Variants in DIP2C observed in about 807,000 individuals in gnomAD.
The protein encoded by DIP2C is DIP2 acetate--CoA ligase C (putative), also known as disco-interacting protein 2 homolog C.
A neutral mutation model predicts 192.4 loss-of-function variants in DIP2C; 33 were observed. The observed-to-expected ratio is 0.17, with a 90% confidence interval of 0.13 to 0.23. The LOEUF is 0.23. DIP2C is among the 10% of genes least tolerant of loss of function. The probability of loss-of-function intolerance (pLI) is 1.00; values close to 1 mark genes in which losing one functional copy is unlikely to be tolerated. For synonymous variants in DIP2C, 979 were observed against 864.1 expected (o/e 1.13, Z -2.33); for missense variants, 1,537 against 2,110.1 (o/e 0.73, Z 5.32).
At chr10:659,665 G>A (rs1470658145) in intron 1 of DIP2C, among the ~76,000 whole-genome samples, 4 of 152,208 alleles carry the variant, frequency 2.6e-5, no homozygotes, top group African/African-American at 4.8e-5. Context: ...GTCAGAGTCA[G>A]CAAAGATATA....
chr10:414,989 A>G (rs1272851845), intron 7 of DIP2C, among the ~76,000 whole-genome samples: 1 of 147,132 alleles, frequency 6.8e-6, no homozygotes, highest in African/African-American at 2.5e-5. Flanking sequence ...TGATCTGCCT[A>G]CTTTGACCTC....
chr10:281,953 A>C (rs748784719), intron 35 of DIP2C: 1 of 152,244 alleles, frequency 6.6e-6, no homozygotes, highest in Non-Finnish European at 1.5e-5. Context: ...AATATGTCCT[A>C]AATTTTTATA....
intron 1 of DIP2C, among the ~76,000 whole-genome samples, chr10:591,165 C>G (rs561734893): frequency 1.3e-5 from 2 of 152,184 alleles, no homozygotes; most frequent in Admixed American, 6.5e-5. Flanking sequence ...CTCTGTCACC[C>G]AGGGTGGAGT....
At chr10:456,334 T>A (rs1969291449) in intron 3 of DIP2C, among the ~76,000 whole-genome samples, 1 of 118,472 alleles carries the variant, frequency 8.4e-6, no homozygotes, top group African/African-American at 4.3e-5. Flanking sequence ...CTGCAGTGAG[T>A]CCCTGCCTGA....
chr10:472,643 G>A, intron 2 of DIP2C, 94 bp from the exon 3 acceptor site: 3 of 1,136,294 alleles, frequency 2.6e-6, no homozygotes, highest in Non-Finnish European at 2.6e-6. Flanking sequence ...CCACAGCAAA[G>A]CCAGAGCTAC....
chr10:627,586 A>G (rs1365252552), intron 1 of DIP2C, among the ~76,000 whole-genome samples: 2 of 152,226 alleles, frequency 1.3e-5, no homozygotes, highest in African/African-American at 4.8e-5. Context: ...CACTTTCACC[A>G]GAGTCACCCA....
At chr10:559,444 A>G (rs754891885) in intron 1 of DIP2C, among the ~76,000 whole-genome samples, 2 of 152,074 alleles carry the variant, frequency 1.3e-5, no homozygotes, top group African/African-American at 4.8e-5. Context: ...AACATATTTA[A>G]AAGCCCAGGG....
At chr10:290,113 T>C (rs1292479851) in intron 32 of DIP2C, among the ~76,000 whole-genome samples, 1 of 152,176 alleles carries the variant, frequency 6.6e-6, no homozygotes, top group Non-Finnish European at 1.5e-5. Flanking sequence ...AGGGTGCCTG[T>C]GTGCATCAGC....
chr10:575,901 A>G (rs770975706), intron 1 of DIP2C, among the ~76,000 whole-genome samples: 2 of 152,176 alleles, frequency 1.3e-5, no homozygotes, highest in African/African-American at 2.4e-5. Flanking sequence ...CCTCTCCTCC[A>G]TGGTAACAGC....
Position 652,620 on chromosome 10 carries a change from A to G in DIP2C, c.85+36874T>C, listed in dbSNP as rs1856013544. 1 of 152,822 alleles carries G rather than the reference A, an allele frequency of 6.5e-6. No homozygotes were observed. Among genetic ancestry groups the G allele is most frequent in the African/African-American group, 2.4e-5 (1 of 41,434 alleles). 9.5% of individuals were successfully genotyped at this position (152,822 alleles called of 1,614,324 possible). On this transcript the variant is annotated intron_variant, in intron 1 of 36. Transcript: ENST00000280886. The surrounding 1 kb of genome is among the most constrained non-coding windows in gnomAD (Gnocchi z 4.5). ...CGCCAATCACTCAAGCTTCACTTTG[A>G]TCACTTGCTCTACCAAATAAAACAG...
chr10:417,855 A>G (rs1180676116), intron 6 of DIP2C, among the ~76,000 whole-genome samples: 1 of 92,928 alleles, frequency 1.1e-5, no homozygotes, highest in African/African-American at 5.4e-5. Flanking sequence ...TGCACCTGTC[A>G]GAGCTCGGAC....
intron 1 of DIP2C, among the ~76,000 whole-genome samples, chr10:617,741 G>A (rs1853572615): frequency 7.0e-6 from 1 of 142,716 alleles, no homozygotes; most frequent in Admixed American, 7.2e-5. Flanking sequence ...GCGCTCACCT[G>A]CTCCTTGTTG....
In DIP2C at chr10:380,764, CCTCA is replaced by C. The variant is rs1363447963; in HGVS notation, c.1991+1879_1991+1882del. Among the ~76,000 whole-genome samples the C allele has an allele frequency of 4.6e-5, 7 of 152,342 alleles. No individual in the cohort carries two copies. The East Asian group carries it at 1.3e-3, about 29-fold the overall frequency. ...AAACCTACAGGGAAGCCTTGCCAGA[CCTCA>C]CTTAGTACAGCTTTACGGAATGTAC... On this transcript the variant is annotated intron_variant, in intron 17 of 36. Transcript: ENST00000280886.
At chr10:634,535 C>T (rs816570) in intron 1 of DIP2C, among the ~76,000 whole-genome samples, 41,103 of 151,980 alleles carry the variant, frequency 0.27, 6,116 homozygotes, top group Non-Finnish European at 0.34. Context: ...AACGGCAGGC[C>T]ACCAATTAGT....
intron 1 of DIP2C, among the ~76,000 whole-genome samples, chr10:537,800 T>C (rs1177023326): frequency 6.6e-6 from 1 of 152,014 alleles, no homozygotes; most frequent in African/African-American, 2.4e-5. Context: ...CGAATTTTTT[T>C]TTTTCCCCCG....
chr10:468,284 A>C (rs572048118), intron 3 of DIP2C, among the ~76,000 whole-genome samples: 2 of 152,276 alleles, frequency 1.3e-5, no homozygotes, highest in South Asian at 4.2e-4. Context: ...AGAAACAGCA[A>C]AGAATAAGGA....
At position 464,816 on chromosome 10, in the gene DIP2C, T is replaced by A. The variant is rs371159488; in HGVS notation, c.268+7623A>T. ...AATGGATACATTCCTCGACACATAC[T>A]CTCTCCCAAGACTAAACCAGGAAGA... On this transcript the variant is annotated intron_variant, in intron 3 of 36. Coordinates refer to ENST00000280886, the MANE Select transcript of DIP2C (RefSeq NM_014974.3). Among the ~76,000 whole-genome samples, 40 of 152,090 alleles carry A rather than the reference T, an allele frequency of 2.6e-4. 1 individual carries two copies. In the South Asian group the frequency reaches 3.5e-3, roughly 13 times the overall value.
intron 1 of DIP2C, chr10:663,100 G>A (rs1177850474): frequency 7.1e-6 from 4 of 562,632 alleles, no homozygotes; most frequent in South Asian, 5.3e-5. Context: ...GGGCAGCCTG[G>A]TCTGCAGAGG....
At chr10:401,288 CTCT>C (rs200560066) in intron 9 of DIP2C, among the ~76,000 whole-genome samples, 2,331 of 151,348 alleles carry the variant, frequency 0.015, 70 homozygotes, top group African/African-American at 0.054. Flanking sequence ...ATTAGCATTA[CTCT>C]TCCTTACGGA....
Sources: gnomAD v4.1 joint callset for allele counts (sites outside exome capture counted in the v4.1 genomes callset) on GRCh38, gnomAD v4.1.1 for gene constraint, Gnocchi (gnomAD v3.1) non-coding constraint, MANE v1.5 for transcripts, NCBI Gene and HGNC (gene_info 2026-07-23, HGNC 2026-07-21) for gene names.